The following ST6GALNAC5 variants were observed in gnomAD, a reference collection of about 807,000 sequenced individuals.
ST6GALNAC5 encodes the protein alpha-N-acetylgalactosaminide alpha-2,6-sialyltransferase 5.
ST6GALNAC5 carries 27 observed loss-of-function variants against 33.6 expected under a neutral mutation model. The ratio of observed to expected loss-of-function variants is 0.80; its 90% CI spans 0.59 to 1.11. The LOEUF (loss-of-function observed/expected upper bound fraction) is 1.11. ST6GALNAC5 is among the 50% of genes least tolerant of loss of function. The pLI is 0.00. For missense variants in ST6GALNAC5, 428 were observed against 454.0 expected, an observed-to-expected ratio of 0.94 and a Z score of 0.52; for synonymous variants, 194 against 171.2, an observed-to-expected ratio of 1.13 and a Z score of -1.04.
At chr1:76,903,366 T>C (rs1398810701) in intron 2 of ST6GALNAC5, among the ~76,000 whole-genome samples, 1 of 152,100 alleles carries the variant, frequency 6.6e-6, no homozygotes. Context: ...GATGGCTGTA[T>C]TGAAAAAAAT....
intron 2 of ST6GALNAC5, among the ~76,000 whole-genome samples, chr1:76,914,632 A>G (rs1418738045): frequency 6.6e-6 from 1 of 152,228 alleles, no homozygotes; most frequent in Non-Finnish European, 1.5e-5. Flanking sequence ...AAAACAGGCT[A>G]GCCATATGTA....
chr1:76,884,686 T>A (rs2100238916), intron 2 of ST6GALNAC5, among the ~76,000 whole-genome samples: 1 of 152,286 alleles, frequency 6.6e-6, no homozygotes, highest in African/African-American at 2.4e-5. Flanking sequence ...TATATGGACA[T>A]GAAATTTTGA....
chr1:76,890,555 T>C (rs1488765361), intron 2 of ST6GALNAC5, among the ~76,000 whole-genome samples: 1 of 151,904 alleles, frequency 6.6e-6, no homozygotes, highest in Non-Finnish European at 1.5e-5. Flanking sequence ...GTTTTTTTTT[T>C]TTTGAGCTCT....
intron 2 of ST6GALNAC5, among the ~76,000 whole-genome samples, chr1:76,982,028 A>T (rs1379017682): frequency 6.6e-6 from 1 of 152,248 alleles, no homozygotes; most frequent in Non-Finnish European, 1.5e-5. Flanking sequence ...CAAAGAACAA[A>T]GGTAGATAAA....
chr1:77,060,459 T>C (rs1337798040), intron 4 of ST6GALNAC5, among the ~76,000 whole-genome samples: 1 of 152,124 alleles, frequency 6.6e-6, no homozygotes, highest in African/African-American at 2.4e-5. Context: ...CTAAATGGCA[T>C]AGTGAATTTA....
At chr1:77,031,094 C>T (rs1357018371) in intron 2 of ST6GALNAC5, among the ~76,000 whole-genome samples, 2 of 152,194 alleles carry the variant, frequency 1.3e-5, no homozygotes, top group Non-Finnish European at 2.9e-5. Context: ...CCAGAGGATG[C>T]ATCATGTTTA....
At chr1:76,897,759 C>A (rs1332260397) in intron 2 of ST6GALNAC5, among the ~76,000 whole-genome samples, 3 of 151,800 alleles carry the variant, frequency 2.0e-5, no homozygotes, top group South Asian at 2.1e-4. Context: ...GGGAACTGGG[C>A]AGGTGGGGAT....
At chr1:76,927,350 T>C (rs1013578061) in intron 2 of ST6GALNAC5, among the ~76,000 whole-genome samples, 1 of 152,066 alleles carries the variant, frequency 6.6e-6, no homozygotes, top group African/African-American at 2.4e-5. Context: ...ACACTAATAG[T>C]GCTGTATTGG....
intron 2 of ST6GALNAC5, among the ~76,000 whole-genome samples, chr1:76,949,557 C>CA (rs368928264): frequency 3.3e-5 from 5 of 152,186 alleles, no homozygotes; most frequent in African/African-American, 1.2e-4. Flanking sequence ...TGTGTAAAAT[C>CA]AAATGTTTGG....
In ST6GALNAC5 at chr1:76,940,430, A is replaced by G. The variant is rs151329965; in HGVS notation, c.261+71688A>G. 4.0e-3 allele frequency among the ~76,000 whole-genome samples: 616 copies of G among 152,232 alleles called. 3 individuals carry two copies. The highest frequency in any genetic ancestry group is 6.6e-3 in the Non-Finnish European group (447 of 67,982). On this transcript the variant is annotated intron_variant, in intron 2 of 4. Transcript: ENST00000477717. The stretch of plus-strand genomic sequence containing the variant: ...CTGGCGTGGTACTTGTACATGTCAA[A>G]TAGTAACTGTTAGCTGATGCACACA...
chr1:77,010,211 C>T (rs886286426), intron 2 of ST6GALNAC5, among the ~76,000 whole-genome samples: 2 of 152,088 alleles, frequency 1.3e-5, no homozygotes, highest in African/African-American at 4.8e-5. Context: ...AAATAACAAC[C>T]TTGGGCCGGG....
intron 2 of ST6GALNAC5, among the ~76,000 whole-genome samples, chr1:76,907,888 T>G (rs1477799164): frequency 3.3e-5 from 5 of 152,172 alleles, no homozygotes; most frequent in Admixed American, 2.6e-4. Context: ...CATGGTTTCA[T>G]ATACTGTTAA....
intron 2 of ST6GALNAC5, among the ~76,000 whole-genome samples, chr1:77,007,599 T>C (rs1444684539): frequency 6.6e-6 from 1 of 152,380 alleles, no homozygotes; most frequent in East Asian, 1.9e-4. Flanking sequence ...CTTTATTCCC[T>C]ATTCTTCACC....
At chr1:77,005,613 C>T (rs138040440) in intron 2 of ST6GALNAC5, among the ~76,000 whole-genome samples, 1 of 152,174 alleles carries the variant, frequency 6.6e-6, no homozygotes, top group African/African-American at 2.4e-5. Flanking sequence ...TAAGTACACT[C>T]ACATTGTTGT....
intron 4 of ST6GALNAC5, among the ~76,000 whole-genome samples, chr1:77,058,900 C>T (rs542979071): frequency 6.6e-6 from 1 of 152,262 alleles, no homozygotes; most frequent in Admixed American, 6.5e-5. Flanking sequence ...CCTCAGAGGG[C>T]TGATGAGGAT....
chr1:76,886,543 C>G (rs1011284096), intron 2 of ST6GALNAC5, among the ~76,000 whole-genome samples: 1 of 152,072 alleles, frequency 6.6e-6, no homozygotes, highest in Non-Finnish European at 1.5e-5. Flanking sequence ...GGTGAATCTG[C>G]GAAGACCAGT....
At chr1:76,876,569 T>C (rs971169896) in intron 2 of ST6GALNAC5, among the ~76,000 whole-genome samples, 1 of 152,228 alleles carries the variant, frequency 6.6e-6, no homozygotes, top group East Asian at 1.9e-4. Flanking sequence ...TCACCAATTT[T>C]CCAGTCGTGC....
Position 76,981,190 on chromosome 1 carries a change from G to A in ST6GALNAC5, c.262-63014G>A, listed in dbSNP as rs577072008. On this transcript the variant is annotated intron_variant, in intron 2 of 4. Transcript: ENST00000477717. The stretch of plus-strand genomic sequence containing the variant: ...GGCGAGCTGAAGCAGAGCGGGCATC[G>A]CCTCACCAGGGAAGCATGAGGGGTC... 4.4e-3 allele frequency among the ~76,000 whole-genome samples: 671 copies of A among 152,300 alleles called. 7 individuals carry two copies. Among genetic ancestry groups the A allele is most frequent in the African/African-American group, 0.014 (578 of 41,570 alleles).
intron 2 of ST6GALNAC5, among the ~76,000 whole-genome samples, chr1:76,890,114 A>G (rs1476545435): frequency 6.6e-6 from 1 of 152,174 alleles, no homozygotes; most frequent in African/African-American, 2.4e-5. Context: ...CTTCAAAGAA[A>G]GATTACATTT....
Sources: allele counts gnomAD v4.1 joint callset (sites outside exome capture counted in the v4.1 genomes callset), GRCh38; gene constraint gnomAD v4.1.1; transcripts MANE v1.5; gene names NCBI Gene and HGNC (gene_info 2026-07-23, HGNC 2026-07-21).